Variants in STARD13 observed in about 807,000 individuals in gnomAD.
The protein encoded by STARD13 is stAR-related lipid transfer protein 13.
STARD13 carries 62 observed loss-of-function variants against 106.4 expected under a neutral mutation model. The ratio of observed to expected loss-of-function variants is 0.58; its 90% CI spans 0.48 to 0.72. The LOEUF (loss-of-function observed/expected upper bound fraction) is 0.72. Ranked by LOEUF, STARD13 falls within the 30% of genes least tolerant of loss-of-function variation. STARD13 has a pLI of 0.00. For synonymous variants in STARD13, 565 were observed against 553.0 expected (o/e 1.02, Z -0.31); for missense variants, 1,387 against 1,424.0 (o/e 0.97, Z 0.42).
At chr13:33,353,502 G>C (rs182548376), upstream of STARD13, among the ~76,000 whole-genome samples, 3 of 152,110 alleles carry the variant, frequency 2.0e-5, no homozygotes. Context: ...CCTTCTTAAG[G>C]CCTGACAGGC....
the STARD13 span, among the ~76,000 whole-genome samples, chr13:33,635,218 C>G: frequency 6.6e-6 from 1 of 152,128 alleles, no homozygotes; most frequent in Non-Finnish European, 1.5e-5. Context: ...AAGAACAGCA[C>G]AGCAGAGCAG....
At chr13:33,453,910 T>G in the STARD13 span, among the ~76,000 whole-genome samples, 1 of 152,212 alleles carries the variant, frequency 6.6e-6, no homozygotes, top group African/African-American at 2.4e-5. Context: ...AAAAGGTACA[T>G]AGCAGAAAGA....
chr13:33,251,096 T>C (rs1464189416), intron 1 of STARD13, among the ~76,000 whole-genome samples: 1 of 152,190 alleles, frequency 6.6e-6, no homozygotes, highest in Non-Finnish European at 1.5e-5. Context: ...GAATCTAAGA[T>C]GCCTGAGTTG....
the STARD13 span, among the ~76,000 whole-genome samples, chr13:33,370,731 G>A: frequency 1.7e-3 from 254 of 149,600 alleles, 1 homozygote; most frequent in African/African-American, 5.9e-3. Flanking sequence ...TGATTCTCCC[G>A]CCTCAGCCTC....
At chr13:33,314,640 A>G (rs1397327494) in intron 1 of STARD13, among the ~76,000 whole-genome samples, 2 of 152,224 alleles carry the variant, frequency 1.3e-5, no homozygotes, top group Non-Finnish European at 2.9e-5. Flanking sequence ...TTTAATTCTT[A>G]TAACAACCAA....
At chr13:33,543,578 A>G in the STARD13 span, among the ~76,000 whole-genome samples, 862 of 152,314 alleles carry the variant, frequency 5.7e-3, 10 homozygotes, top group African/African-American at 0.02. Flanking sequence ...TAATGAAACA[A>G]ATTTCCTTTA....
the STARD13 span, among the ~76,000 whole-genome samples, chr13:33,485,451 G>C: frequency 6.6e-6 from 1 of 151,982 alleles, no homozygotes; most frequent in African/African-American, 2.4e-5. Flanking sequence ...AAAATGCTTT[G>C]TTGGCATAAA....
the STARD13 span, among the ~76,000 whole-genome samples, chr13:33,662,187 C>G: frequency 4.0e-5 from 6 of 150,470 alleles, no homozygotes; most frequent in African/African-American, 1.5e-4. Context: ...GCGTGAACCC[C>G]GGAGGCGGAG....
chr13:33,202,613 G>C (rs1373026556), intron 1 of STARD13, among the ~76,000 whole-genome samples: 1 of 152,232 alleles, frequency 6.6e-6, no homozygotes, highest in African/African-American at 2.4e-5. Context: ...TTGATTAGAA[G>C]TTTGGAACCA....
the STARD13 span, among the ~76,000 whole-genome samples, chr13:33,400,402 T>C: frequency 1.3e-5 from 2 of 152,198 alleles, no homozygotes; most frequent in African/African-American, 4.8e-5. Context: ...GTTGTTTCCA[T>C]ATCTTGCCTG....
chr13:33,661,726 T>C, the STARD13 span, among the ~76,000 whole-genome samples: 4 of 152,062 alleles, frequency 2.6e-5, no homozygotes, highest in Non-Finnish European at 5.9e-5. Context: ...GCCCCCATGA[T>C]TGAATTACCT....
the STARD13 span, among the ~76,000 whole-genome samples, chr13:33,666,593 C>T: frequency 6.6e-6 from 1 of 151,682 alleles, no homozygotes; most frequent in East Asian, 1.9e-4. Flanking sequence ...CTGCACCCAG[C>T]CTATTTATTT....
chr13:33,529,996 A>T, the STARD13 span, among the ~76,000 whole-genome samples: 3 of 152,116 alleles, frequency 2.0e-5, no homozygotes, highest in African/African-American at 7.2e-5. Context: ...GTGTTTTACA[A>T]TTGAGAAAAT....
intron 4 of STARD13, among the ~76,000 whole-genome samples, chr13:33,140,052 C>T (rs1593944900): frequency 2.0e-5 from 3 of 152,076 alleles, no homozygotes; most frequent in Admixed American, 2.0e-4. Flanking sequence ...CCACTAGATG[C>T]GATATAAAGA....
chr13:33,538,496 A>G, the STARD13 span, among the ~76,000 whole-genome samples: 1 of 152,186 alleles, frequency 6.6e-6, no homozygotes, highest in South Asian at 2.1e-4. Context: ...AGACCTAACA[A>G]AGTCTAAAAA....
chr13:33,662,134 C>T, the STARD13 span, among the ~76,000 whole-genome samples: 7 of 151,374 alleles, frequency 4.6e-5, no homozygotes, highest in Admixed American at 4.6e-4. Flanking sequence ...TGGTGGTGGG[C>T]GCCTATAATC....
chr13:33,187,831 T>G (rs1885912818), intron 1 of STARD13, among the ~76,000 whole-genome samples: 1 of 152,100 alleles, frequency 6.6e-6, no homozygotes, highest in South Asian at 2.1e-4. Context: ...TACAGACCTG[T>G]GCCACCACAC....
At chr13:33,266,013 A>C (rs761353216) in intron 1 of STARD13, among the ~76,000 whole-genome samples, 5 of 152,242 alleles carry the variant, frequency 3.3e-5, no homozygotes, top group Non-Finnish European at 7.3e-5. Flanking sequence ...TAATTTCTTT[A>C]TCACCATAGT....
the STARD13 span, among the ~76,000 whole-genome samples, chr13:33,360,075 T>C: frequency 6.6e-6 from 1 of 152,230 alleles, no homozygotes; most frequent in Admixed American, 6.5e-5. Flanking sequence ...TCCTGCAACA[T>C]TTCCTTGTTA....
Sources: gnomAD v4.1 joint callset for allele counts (sites outside exome capture counted in the v4.1 genomes callset) on GRCh38, gnomAD v4.1.1 for gene constraint, MANE v1.5 for transcripts, NCBI Gene and HGNC (gene_info 2026-07-23, HGNC 2026-07-21) for gene names.